The following ABHD18 variants were observed in gnomAD, a reference collection of about 807,000 sequenced individuals.
ABHD18 encodes the protein abhydrolase domain containing 18.
ABHD18 carries 55 observed loss-of-function variants against 65.9 expected under a neutral mutation model. That is an observed-to-expected ratio of 0.84 (90% CI 0.67 to 1.05). The LOEUF (loss-of-function observed/expected upper bound fraction) is 1.05, where lower values mean the gene tolerates loss of function less well. Ranked by LOEUF, ABHD18 falls within the 50% of genes least tolerant of loss-of-function variation. The probability of loss-of-function intolerance (pLI) is 0.00; values close to 1 mark genes in which losing one functional copy is unlikely to be tolerated. For synonymous variants in ABHD18, 181 were observed against 180.2 expected, an observed-to-expected ratio of 1.00 and a Z score of -0.04; for missense variants, 533 against 558.5, an observed-to-expected ratio of 0.95 and a Z score of 0.46.
intron 4 of ABHD18, among the ~76,000 whole-genome samples, chr4:128,005,489 G>A (rs963662954): frequency 1.4e-4 from 22 of 152,036 alleles, no homozygotes; most frequent in African/African-American, 2.4e-5. Context: ...AAGAGACAGG[G>A]TCTCACTCTG....
chr4:127,986,043 C>T (rs1398182811), intron 3 of ABHD18, among the ~76,000 whole-genome samples: 1 of 152,044 alleles, frequency 6.6e-6, no homozygotes, highest in Non-Finnish European at 1.5e-5. Flanking sequence ...TAAAATTCAC[C>T]CTTTTACAAT....
intron 4 of ABHD18, among the ~76,000 whole-genome samples, chr4:128,003,367 C>CAA (rs373482106): frequency 4.5e-5 from 5 of 110,896 alleles, no homozygotes; most frequent in African/African-American, 1.9e-4. Context: ...GATGCTGTCT[C>CAA]AAAAAAAAAA....
chr4:128,002,337 C>T (rs1469421556), intron 4 of ABHD18, among the ~76,000 whole-genome samples: 1 of 150,522 alleles, frequency 6.6e-6, no homozygotes, highest in African/African-American at 2.4e-5. Flanking sequence ...AGTGGAGTGT[C>T]CCTGCAATCT....
chr4:127,999,848 T>C (rs1325099912), intron 4 of ABHD18, among the ~76,000 whole-genome samples: 1 of 152,204 alleles, frequency 6.6e-6, no homozygotes, highest in African/African-American at 2.4e-5. Flanking sequence ...GACTTACTTA[T>C]AAATTCTTTG....
chr4:128,018,742 G>A (rs941964354), intron 8 of ABHD18, among the ~76,000 whole-genome samples: 4 of 151,996 alleles, frequency 2.6e-5, no homozygotes, highest in African/African-American at 2.4e-5. Flanking sequence ...TGCTGGGCAC[G>A]GTGGTTCACA....
chr4:128,016,582 C>CG (rs1326458620), intron 7 of ABHD18, among the ~76,000 whole-genome samples: 1 of 151,542 alleles, frequency 6.6e-6, no homozygotes, highest in Non-Finnish European at 1.5e-5. Flanking sequence ...CAAGACCAGT[C>CG]TGGCCAACAT....
intron 8 of ABHD18, 112 bp from the exon 9 acceptor site, chr4:128,019,968 T>G: frequency 1.7e-6 from 1 of 602,312 alleles, no homozygotes; most frequent in Non-Finnish European, 2.8e-6. Context: ...GTTTGCAGAC[T>G]TTGTGTTTAT....
At chr4:127,983,755 C>T (rs968794412) in intron 2 of ABHD18, among the ~76,000 whole-genome samples, 4 of 152,114 alleles carry the variant, frequency 2.6e-5, no homozygotes, top group African/African-American at 4.8e-5. Flanking sequence ...ATCCTAGCTA[C>T]TCAAGAGGCT....
intron 10 of ABHD18, among the ~76,000 whole-genome samples, chr4:128,024,921 G>A (rs536183701): frequency 6.6e-6 from 1 of 152,076 alleles, no homozygotes; most frequent in Non-Finnish European, 1.5e-5. Context: ...CGAACTCCTG[G>A]CCTGAGGTGA....
chr4:128,011,273 C>T (rs916384263), intron 6 of ABHD18, among the ~76,000 whole-genome samples: 4 of 151,822 alleles, frequency 2.6e-5, no homozygotes, highest in African/African-American at 7.3e-5. Flanking sequence ...CTCAGCCTCC[C>T]GCGTAGCTGA....
intron 7 of ABHD18, among the ~76,000 whole-genome samples, chr4:128,016,139 A>C (rs1030283017): frequency 5.3e-5 from 8 of 151,758 alleles, no homozygotes; most frequent in African/African-American, 1.7e-4. Flanking sequence ...TTTTTAGTAG[A>C]GACAGGGTTT....
intron 1 of ABHD18, among the ~76,000 whole-genome samples, chr4:127,970,043 C>T (rs1388944434): frequency 1.3e-5 from 2 of 151,928 alleles, no homozygotes; most frequent in African/African-American, 4.8e-5. Flanking sequence ...GCCACTGCGC[C>T]TGGCCAGGAT....
chr4:128,006,680 A>G (rs1397766611), intron 4 of ABHD18, among the ~76,000 whole-genome samples: 1 of 152,226 alleles, frequency 6.6e-6, no homozygotes, highest in East Asian at 1.9e-4. Flanking sequence ...CTGCTAAGGA[A>G]ATTAAAATGA....
chr4:127,996,603 G>A (rs932167413), intron 4 of ABHD18, among the ~76,000 whole-genome samples: 12 of 152,100 alleles, frequency 7.9e-5, no homozygotes, highest in African/African-American at 2.7e-4. Context: ...AACAGGGTTC[G>A]AGAGCAGAGA....
At position 128,021,121 on chromosome 4, in the gene ABHD18, T is replaced by G. The variant is rs1004458594; in HGVS notation, c.700-16T>G. The G allele has an allele frequency of 1.4e-6, 2 of 1,479,166 alleles. No homozygotes were observed. Among genetic ancestry groups the G allele is most frequent in the Non-Finnish European group, 1.8e-6 (2 of 1,083,476 alleles). The allele number at this position is 1,479,166 out of a possible 1,614,324, so 91.6% of individuals were successfully genotyped here. The stretch of plus-strand genomic sequence containing the variant: ...CTTATGATGTGGTTTGATCTTAATT[T>G]AGCTTATTATTTCAGGGTGTGTTGA... On this transcript the variant is annotated splice_polypyrimidine_tract_variant and intron_variant, in intron 9 of 12. Coordinates refer to ENST00000645843, the MANE Select transcript of ABHD18 (RefSeq NM_001358451.3).
intron 4 of ABHD18, among the ~76,000 whole-genome samples, chr4:127,993,056 A>T (rs937211513): frequency 1.3e-5 from 2 of 152,188 alleles, no homozygotes; most frequent in Non-Finnish European, 2.9e-5. Flanking sequence ...CCTGGGTGAC[A>T]GAGCAAGACC....
intron 7 of ABHD18, 127 bp downstream of exon 7, chr4:128,011,827 G>T: frequency 1.9e-6 from 1 of 527,786 alleles, no homozygotes. Context: ...GGGGAGTTCT[G>T]TTATGAAACT....
Position 128,038,662 on chromosome 4 carries a change from G to A in ABHD18, c.*2849G>A, listed in dbSNP as rs1315038713. ...TCCCAGCACTTTGGGAGGCCGAGGT[G>A]GGGGGACCACCTGAGGTTGGGAGTT... is the stretch of plus-strand genomic sequence containing the variant. On this transcript the variant is annotated 3_prime_UTR_variant, in exon 13 of 13. Coordinates refer to ENST00000645843, the MANE Select transcript of ABHD18 (RefSeq NM_001358451.3). 6.6e-6 allele frequency: 1 copy of A among 151,844 alleles called. No individual in the cohort carries two copies. The highest frequency in any genetic ancestry group is 1.5e-5 in the Non-Finnish European group (1 of 68,040). The allele number at this position is 151,844 out of a possible 1,614,324, so 9.4% of individuals were successfully genotyped here. A position where few individuals can be genotyped will look rare whatever the true frequency, so the allele number is the denominator to read the frequency against.
chr4:127,984,486 A>G (rs1213761162), intron 3 of ABHD18, 63 bp downstream of exon 3: 1 of 892,582 alleles, frequency 1.1e-6, no homozygotes, highest in African/African-American at 1.7e-5. Context: ...GTCTAAGAAT[A>G]GATTACATAT....
Sources: allele counts gnomAD v4.1 joint callset (sites outside exome capture counted in the v4.1 genomes callset), GRCh38; gene constraint gnomAD v4.1.1; transcripts MANE v1.5; gene names NCBI Gene and HGNC (gene_info 2026-07-23, HGNC 2026-07-21).